OSBPL3: variants seen among roughly 807,000 people sequenced by gnomAD.
OSBPL3 encodes the protein oxysterol binding protein like 3.
In OSBPL3, 65 loss-of-function variants were observed where a neutral mutation model predicts 120.1. The observed-to-expected ratio is 0.54, with a 90% confidence interval of 0.44 to 0.67. OSBPL3 has a LOEUF of 0.67. OSBPL3 is among the 30% of genes least tolerant of loss of function. The probability of loss-of-function intolerance (pLI) is 0.00; values close to 1 mark genes in which losing one functional copy is unlikely to be tolerated. For missense variants in OSBPL3, 1,004 were observed against 1,082.1 expected, an observed-to-expected ratio of 0.93 and a Z score of 1.01; for synonymous variants, 416 against 402.6, an observed-to-expected ratio of 1.03 and a Z score of -0.40.
chr7:24,942,366 T>TA (rs1813202797), intron 1 of OSBPL3, among the ~76,000 whole-genome samples: 1 of 152,210 alleles, frequency 6.6e-6, no homozygotes, highest in Non-Finnish European at 1.5e-5. Context: ...AGTGCACTTG[T>TA]AGCCAGGAGT....
chr7:24,874,401 A>T (rs1452988146), intron 2 of OSBPL3, among the ~76,000 whole-genome samples: 3 of 152,226 alleles, frequency 2.0e-5, no homozygotes, highest in Non-Finnish European at 4.4e-5. Flanking sequence ...CATCTGCTCA[A>T]AACATTCGAT....
Position 24,892,552 on chromosome 7 carries a change from G to A in OSBPL3, c.-80C>T. The A allele has an allele frequency of 1.5e-5, 23 of 1,549,942 alleles. 1 individual carries two copies. The South Asian group carries it at 2.4e-4, about 16-fold the overall frequency. On this transcript the variant is annotated 5_prime_UTR_variant, in exon 2 of 23. Transcript: ENST00000313367. ...AGCCGAGAGTATGGAAGTCCCCAGT[G>A]GCAGGTGGTTTAGCTCTTATCCAAA...
In OSBPL3 at chr7:24,796,942, G is replaced by A. The variant is rs569684071; in HGVS notation, c.*3241C>T. ...CTGGTAGCAAAAATAGATTTATGCC[G>A]GTGTTAATATCAAAATAAAGACATT... On this transcript the variant is annotated 3_prime_UTR_variant, in exon 23 of 23. Transcript: ENST00000313367. This position sits in a 1 kb window ranked among gnomAD's most constrained non-coding sequence, Gnocchi z 5.2. 1.2e-4 allele frequency: 19 copies of A among 152,244 alleles called. No individual in the cohort carries two copies. In the South Asian group the frequency reaches 2.7e-3, roughly 22 times the overall value. 9.4% of individuals were successfully genotyped at this position (152,244 alleles called of 1,614,324 possible). A position where few individuals can be genotyped will look rare whatever the true frequency, so the allele number is the denominator to read the frequency against.
chr7:24,974,303 C>G (rs930553653), intron 1 of OSBPL3, among the ~76,000 whole-genome samples: 1 of 152,200 alleles, frequency 6.6e-6, no homozygotes, highest in African/African-American at 2.4e-5. Flanking sequence ...AAAACTGTAG[C>G]ATTGCAGCCA....
chr7:24,953,272 C>G lies in OSBPL3; in HGVS notation c.-150+26614G>C, dbSNP rs1487762437. ...CATCTATAGTTCAATTCTCAATATG[C>G]CATCATTTGTCAGCTCTGCCAAGGA... On this transcript the variant is annotated intron_variant, in intron 1 of 22. Coordinates refer to ENST00000313367, the MANE Select transcript of OSBPL3 (RefSeq NM_015550.4). This position sits in a 1 kb window ranked among gnomAD's most constrained non-coding sequence, Gnocchi z 4.3. Among the ~76,000 whole-genome samples the G allele has an allele frequency of 6.6e-6, 1 of 152,116 alleles. No homozygotes were observed. Among genetic ancestry groups the G allele is most frequent in the African/African-American group, 2.4e-5 (1 of 41,412 alleles).
chr7:24,856,207 G>A lies in OSBPL3; in HGVS notation c.1028-3573C>T, dbSNP rs143231545. On this transcript the variant is annotated intron_variant, in intron 10 of 22. Transcript: ENST00000313367. ...TCCTGGACTATGAGAGGCAGGCACAGGTTGAGTTTTTGACTGTAAGAAGTC... is the reference window on the plus strand; with the variant it reads ...TCCTGGACTATGAGAGGCAGGCACAAGTTGAGTTTTTGACTGTAAGAAGTC... 4.6e-5 allele frequency among the ~76,000 whole-genome samples: 7 copies of A among 152,206 alleles called. No individual in the cohort carries two copies. In the East Asian group the frequency reaches 1.2e-3, roughly 25 times the overall value.
In OSBPL3 at chr7:24,817,675, G is replaced by A. The variant is rs774755965; in HGVS notation, c.1949-987C>T. Among the ~76,000 whole-genome samples the A allele has an allele frequency of 6.6e-5, 10 of 152,194 alleles. No individual in the cohort carries two copies. Among genetic ancestry groups the A allele is most frequent in the Admixed American group, 3.3e-4 (5 of 15,280 alleles). Reference sequence around the variant, plus strand: ...AGAATGGAACAGGAGTAGGAGAGAGGAGAAGCAAGGCGACAAGTTAAGAGG... The same window carrying A: ...AGAATGGAACAGGAGTAGGAGAGAGAAGAAGCAAGGCGACAAGTTAAGAGG... On this transcript the variant is annotated intron_variant, in intron 17 of 22. Transcript: ENST00000313367. This position sits in a 1 kb window ranked among gnomAD's most constrained non-coding sequence, Gnocchi z 4.0.
rs916210049 is a variant in OSBPL3 at position 24,894,395 on chromosome 7, G to C, written c.-149-1774C>G. ...AGCCTTACTGATGGGGGCATGACTA[G>C]GTGTACCTGAAGTTAGAAGCAAATG... On this transcript the variant is annotated intron_variant, in intron 1 of 22. Transcript: ENST00000313367. The surrounding 1 kb of genome is among the most constrained non-coding windows in gnomAD (Gnocchi z 4.1). Among the ~76,000 whole-genome samples, 1 of 152,126 alleles carries C rather than the reference G, an allele frequency of 6.6e-6. No homozygotes were observed. The highest frequency in any genetic ancestry group is 1.5e-5 in the Non-Finnish European group (1 of 68,026).
chr7:24,823,490 A>C (rs6957090), intron 16 of OSBPL3, among the ~76,000 whole-genome samples: 109,463 of 151,984 alleles, frequency 0.72, 39,830 homozygotes, highest in East Asian at 0.84. Flanking sequence ...CAATGCCACA[A>C]CATTAATGAG....
chr7:24,947,491 A>G lies in OSBPL3; in HGVS notation c.-150+32395T>C, dbSNP rs180870207. On this transcript the variant is annotated intron_variant, in intron 1 of 22. Coordinates refer to ENST00000313367, the MANE Select transcript of OSBPL3 (RefSeq NM_015550.4). This position sits in a 1 kb window ranked among gnomAD's most constrained non-coding sequence, Gnocchi z 4.4. ...CCACGTGACTACCCCTGAAAGCTGC[A>G]TATTTTTATTTCACAGAAACTACCT... is the stretch of plus-strand genomic sequence containing the variant. Among the ~76,000 whole-genome samples, 63 of 152,306 alleles carry G rather than the reference A, an allele frequency of 4.1e-4. 3 individuals carry two copies. In the East Asian group the frequency reaches 8.1e-3, roughly 20 times the overall value.
In OSBPL3 at chr7:24,854,244, C is replaced by T. The variant is rs1799526900; in HGVS notation, c.1028-1610G>A. On this transcript the variant is annotated intron_variant, in intron 10 of 22. Coordinates refer to ENST00000313367, the MANE Select transcript of OSBPL3 (RefSeq NM_015550.4). This position sits in a 1 kb window ranked among gnomAD's most constrained non-coding sequence, Gnocchi z 4.1. ...TAGAAGAGCAGGAAGACTGAAGAGA[C>T]TCAGACACATGTCTTCTCAAATGAC... is the stretch of plus-strand genomic sequence containing the variant. Among the ~76,000 whole-genome samples the T allele has an allele frequency of 6.6e-6, 1 of 152,108 alleles. No homozygotes were observed. Among genetic ancestry groups the T allele is most frequent in the East Asian group, 1.9e-4 (1 of 5,202 alleles).
intron 10 of OSBPL3, among the ~76,000 whole-genome samples, chr7:24,857,697 A>C (rs900511152): frequency 7.6e-4 from 116 of 152,370 alleles, no homozygotes; most frequent in Admixed American, 2.0e-3. Flanking sequence ...TATGTTTCTC[A>C]GAAACTTAAA....
At chr7:24,868,385 G>A (rs1010975751) in intron 5 of OSBPL3, among the ~76,000 whole-genome samples, 6 of 148,506 alleles carry the variant, frequency 4.0e-5, no homozygotes, top group Non-Finnish European at 7.4e-5. Flanking sequence ...GTGTGATGGT[G>A]TATTGATATT....
chr7:24,970,104 CTTTTTTTTT>C (rs10540160), intron 1 of OSBPL3, among the ~76,000 whole-genome samples: 2 of 83,014 alleles, frequency 2.4e-5, no homozygotes, highest in African/African-American at 5.5e-5. Context: ...TCGTCCCTTT[CTTTTTTTTT>C]TTTTTTTTTT....
At chr7:24,954,698 A>C (rs979153128) in intron 1 of OSBPL3, among the ~76,000 whole-genome samples, 4 of 152,248 alleles carry the variant, frequency 2.6e-5, no homozygotes, top group Non-Finnish European at 5.9e-5. Flanking sequence ...AAAGAATTAA[A>C]GATGTGGACC....
rs75335439 is a variant in OSBPL3, at chr7:24,913,515, C to G, written c.-149-20894G>C. ...TAAAGTCACTTACAAGAAGCAGACA[C>G]GGTCTAGTGTGGGGGCCAATCAGCT... On this transcript the variant is annotated intron_variant, in intron 1 of 22. Transcript: ENST00000313367. This position sits in a 1 kb window ranked among gnomAD's most constrained non-coding sequence, Gnocchi z 5.3. Among the ~76,000 whole-genome samples, 3 of 152,050 alleles carry G rather than the reference C, an allele frequency of 2.0e-5. No homozygotes were observed. Among genetic ancestry groups the G allele is most frequent in the Non-Finnish European group, 4.4e-5 (3 of 68,020 alleles).
At chr7:24,902,908 G>A (rs1807274158) in intron 1 of OSBPL3, among the ~76,000 whole-genome samples, 1 of 151,974 alleles carries the variant, frequency 6.6e-6, no homozygotes, top group Non-Finnish European at 1.5e-5. Flanking sequence ...CTCTGTGCTT[G>A]GCTTCCCTCT....
chr7:24,826,170 G>A (rs1795680366), intron 16 of OSBPL3, among the ~76,000 whole-genome samples: 1 of 152,188 alleles, frequency 6.6e-6, no homozygotes, highest in Non-Finnish European at 1.5e-5. Context: ...ACCTGCCAGA[G>A]GATACTTAGT....
chr7:24,803,441 A>G lies in OSBPL3; in HGVS notation c.2567+874T>C, dbSNP rs1792621823. Reference sequence around the variant, plus strand: ...TTCTCTTCTACTCAGTTATAGGAGGAGATGGGGAGGTGAAGGGTTGAAGAT... The same window carrying G: ...TTCTCTTCTACTCAGTTATAGGAGGGGATGGGGAGGTGAAGGGTTGAAGAT... On this transcript the variant is annotated intron_variant, in intron 22 of 22. Transcript: ENST00000313367. The surrounding 1 kb of genome is among the most constrained non-coding windows in gnomAD (Gnocchi z 4.2). Among the ~76,000 whole-genome samples the G allele has an allele frequency of 6.6e-6, 1 of 152,012 alleles. No individual in the cohort carries two copies. The highest frequency in any genetic ancestry group is 1.5e-5 in the Non-Finnish European group (1 of 68,004).
Sources: allele counts gnomAD v4.1 joint callset (sites outside exome capture counted in the v4.1 genomes callset), GRCh38; gene constraint gnomAD v4.1.1; non-coding constraint Gnocchi (gnomAD v3.1); transcripts MANE v1.5; gene names NCBI Gene and HGNC (gene_info 2026-07-23, HGNC 2026-07-21).